The following KCNJ3 variants were observed in gnomAD, a reference collection of about 807,000 sequenced individuals.
KCNJ3 encodes G protein-activated inward rectifier potassium channel 1.
A neutral mutation model predicts 39.2 loss-of-function variants in KCNJ3; 4 were observed. The observed-to-expected ratio is 0.10, with a 90% CI of 0.05 to 0.23. The LOEUF (loss-of-function observed/expected upper bound fraction) is 0.23, where lower values mean the gene tolerates loss of function less well. Among genes scored for constraint, KCNJ3 ranks in the 10% least tolerant of loss-of-function variants. The probability of loss-of-function intolerance (pLI) is 1.00; values close to 1 mark genes in which losing one functional copy is unlikely to be tolerated. For synonymous variants in KCNJ3, 230 were observed against 237.4 expected (o/e 0.97, Z 0.29); for missense variants, 276 against 634.9 (o/e 0.43, Z 6.08).
intron 2 of KCNJ3, among the ~76,000 whole-genome samples, chr2:154,771,217 G>A (rs1052102462): frequency 6.6e-6 from 1 of 151,978 alleles, no homozygotes; most frequent in African/African-American, 2.4e-5. Context: ...ATGGTTATTT[G>A]TTAAAGGAAA....
chr2:154,852,258 C>T (rs1687768776), intron 2 of KCNJ3, among the ~76,000 whole-genome samples: 1 of 151,768 alleles, frequency 6.6e-6, no homozygotes, highest in Non-Finnish European at 1.5e-5. Context: ...ATGACAAAAC[C>T]CTGTCTCTAC....
chr2:154,775,513 A>G (rs1686318158), intron 2 of KCNJ3, among the ~76,000 whole-genome samples: 1 of 152,178 alleles, frequency 6.6e-6, no homozygotes, highest in South Asian at 2.1e-4. Flanking sequence ...ACATTTCTTA[A>G]TTTATTTTAC....
chr2:154,717,495 G>T (rs1218655657), intron 2 of KCNJ3, among the ~76,000 whole-genome samples: 1 of 152,132 alleles, frequency 6.6e-6, no homozygotes, highest in East Asian at 1.9e-4. Flanking sequence ...AAGTTGTCTG[G>T]CTCAGCAACC....
intron 2 of KCNJ3, among the ~76,000 whole-genome samples, chr2:154,721,721 G>C (rs977045397): frequency 1.3e-5 from 2 of 151,982 alleles, no homozygotes; most frequent in Non-Finnish European, 2.9e-5. Flanking sequence ...AGTAGAATTG[G>C]AATGATAAAA....
At chr2:154,710,621 A>ATG (rs35434373) in intron 2 of KCNJ3, among the ~76,000 whole-genome samples, 2 of 151,748 alleles carry the variant, frequency 1.3e-5, no homozygotes, top group African/African-American at 2.4e-5. Context: ...GTATACGTAT[A>ATG]TGTGTGTGTG....
intron 2 of KCNJ3, among the ~76,000 whole-genome samples, chr2:154,722,871 G>T (rs1685287609): frequency 6.6e-6 from 1 of 152,128 alleles, no homozygotes; most frequent in Non-Finnish European, 1.5e-5. Context: ...TATAGGGGAA[G>T]ACTTGAAAAC....
At chr2:154,752,831 C>T (rs1685869678) in intron 2 of KCNJ3, among the ~76,000 whole-genome samples, 1 of 151,946 alleles carries the variant, frequency 6.6e-6, no homozygotes, top group South Asian at 2.1e-4. Flanking sequence ...GGAAGTTATT[C>T]ATGATATGAC....
intron 2 of KCNJ3, among the ~76,000 whole-genome samples, chr2:154,817,050 A>G (rs1303426738): frequency 6.6e-6 from 1 of 152,158 alleles, no homozygotes; most frequent in East Asian, 1.9e-4. Context: ...TCAGTTGTAA[A>G]AATTATTAAT....
At chr2:154,791,835 A>T (rs1686639843) in intron 2 of KCNJ3, among the ~76,000 whole-genome samples, 1 of 152,066 alleles carries the variant, frequency 6.6e-6, no homozygotes, top group Non-Finnish European at 1.5e-5. Flanking sequence ...TACACTGGCA[A>T]ACAGAATTCA....
intron 2 of KCNJ3, among the ~76,000 whole-genome samples, chr2:154,831,255 C>T (rs1263413305): frequency 6.6e-6 from 1 of 152,056 alleles, no homozygotes; most frequent in Non-Finnish European, 1.5e-5. Context: ...GTACAGTTTC[C>T]CTTCAATATA....
Position 154,819,850 on chromosome 2 carries a change from A to G in KCNJ3, c.920-34877A>G, listed in dbSNP as rs149600519. Reference sequence around the variant, plus strand: ...GGATACAACACTATTATTATATATAACAAACTTAAGTTTAAGTTTAACATG... The same window carrying G: ...GGATACAACACTATTATTATATATAGCAAACTTAAGTTTAAGTTTAACATG... On this transcript the variant is annotated intron_variant, in intron 2 of 2. Transcript: ENST00000295101. Among the ~76,000 whole-genome samples the G allele has an allele frequency of 3.2e-3, 486 of 152,166 alleles. 1 individual carries two copies. The highest frequency in any genetic ancestry group is 6.0e-3 in the Admixed American group (91 of 15,264).
At chr2:154,760,536 G>A (rs1686018620) in intron 2 of KCNJ3, among the ~76,000 whole-genome samples, 2 of 151,510 alleles carry the variant, frequency 1.3e-5, no homozygotes, top group African/African-American at 4.9e-5. Flanking sequence ...GTGAAGTTTT[G>A]CTTTTCACTT....
intron 2 of KCNJ3, among the ~76,000 whole-genome samples, chr2:154,778,790 G>T (rs1247262993): frequency 3.3e-5 from 5 of 151,980 alleles, no homozygotes; most frequent in Non-Finnish European, 4.4e-5. Context: ...TTCCTTTCCT[G>T]TGGTTAGAAG....
intron 2 of KCNJ3, among the ~76,000 whole-genome samples, chr2:154,728,723 G>C (rs865845944): frequency 6.6e-6 from 1 of 152,152 alleles, no homozygotes; most frequent in African/African-American, 2.4e-5. Flanking sequence ...TTTTGGTCTA[G>C]ATAGAGTCAG....
intron 2 of KCNJ3, among the ~76,000 whole-genome samples, chr2:154,840,823 G>C (rs1687561463): frequency 6.6e-6 from 1 of 152,130 alleles, no homozygotes; most frequent in Non-Finnish European, 1.5e-5. Flanking sequence ...TCAGCTTAAG[G>C]AGATTTTGGG....
chr2:154,824,438 C>G (rs186779155), intron 2 of KCNJ3, among the ~76,000 whole-genome samples: 1 of 152,116 alleles, frequency 6.6e-6, no homozygotes, highest in African/African-American at 2.4e-5. Flanking sequence ...ACACCAGTCT[C>G]CTTAAATATT....
At chr2:154,716,090 C>A (rs1011675406) in intron 2 of KCNJ3, among the ~76,000 whole-genome samples, 4 of 151,424 alleles carry the variant, frequency 2.6e-5, no homozygotes, top group Non-Finnish European at 5.9e-5. Context: ...TTTATTTTTT[C>A]ATTATTTATT....
At chr2:154,755,807 G>T (rs1005696820) in intron 2 of KCNJ3, among the ~76,000 whole-genome samples, 1 of 152,006 alleles carries the variant, frequency 6.6e-6, no homozygotes, top group African/African-American at 2.4e-5. Context: ...CTAAAGACTA[G>T]TGTGATAGGG....
chr2:154,771,401 C>T (rs1029232100), intron 2 of KCNJ3, among the ~76,000 whole-genome samples: 1 of 152,050 alleles, frequency 6.6e-6, no homozygotes, highest in South Asian at 2.1e-4. Flanking sequence ...AAATATATAA[C>T]CTGAAAGCAT....
Sources: gnomAD v4.1 joint callset for allele counts (sites outside exome capture counted in the v4.1 genomes callset) on GRCh38, gnomAD v4.1.1 for gene constraint, MANE v1.5 for transcripts, NCBI Gene and HGNC (gene_info 2026-07-23, HGNC 2026-07-21) for gene names.